HSPA4: variants seen among roughly 807,000 people sequenced by gnomAD.
HSPA4 encodes the protein heat shock 70 kDa protein 4.
In HSPA4, 25 loss-of-function variants were observed where a neutral mutation model predicts 106.2. The observed-to-expected ratio is 0.24, with a 90% CI of 0.17 to 0.33. The LOEUF (loss-of-function observed/expected upper bound fraction) is 0.33, where lower values mean the gene tolerates loss of function less well. HSPA4 is among the 10% of genes least tolerant of loss of function. The pLI is 1.00. For missense variants in HSPA4, 841 were observed against 996.0 expected, an observed-to-expected ratio of 0.84 and a Z score of 2.10; for synonymous variants, 332 against 333.6, an observed-to-expected ratio of 1.00 and a Z score of 0.05.
At chr5:133,090,502 CAT>C (rs1372128232) in intron 11 of HSPA4, among the ~76,000 whole-genome samples, 4 of 130,604 alleles carry the variant, frequency 3.1e-5, no homozygotes, top group Non-Finnish European at 6.5e-5. Context: ...AATATCAAAA[CAT>C]ACTAGGTTTC....
rs1456192787 is a variant in HSPA4, at chr5:133,064,975, T to C, written c.108-5T>C. 2 of 1,613,382 alleles carry C rather than the reference T, an allele frequency of 1.2e-6. No homozygotes were observed. The highest frequency in any genetic ancestry group is 1.3e-5 in the African/African-American group (1 of 74,912). On this transcript the variant is annotated splice_region_variant and splice_polypyrimidine_tract_variant and intron_variant, in intron 1 of 18. Coordinates refer to ENST00000304858, the MANE Select transcript of HSPA4 (RefSeq NM_002154.4). ...TAATTCTTAAGTGCTTTTTTTGTCT[T>C]CTAGGGCTTGCATTTCTTTTGGTCC...
Position 133,052,245 on chromosome 5 carries a change from G to C in HSPA4, c.-6G>C. ...CCGGGCCCGAGCCCGAGCAGTAGCCGGCGCCATGTCGGTGGTGGGCATAGA... is the reference window on the plus strand; with the variant it reads ...CCGGGCCCGAGCCCGAGCAGTAGCCCGCGCCATGTCGGTGGTGGGCATAGA... On this transcript the variant is annotated 5_prime_UTR_variant, in exon 1 of 19. Coordinates refer to ENST00000304858, the MANE Select transcript of HSPA4 (RefSeq NM_002154.4). The C allele has an allele frequency of 6.3e-7, 1 of 1,578,606 alleles. No individual in the cohort carries two copies. Among genetic ancestry groups the C allele is most frequent in the Non-Finnish European group, 8.6e-7 (1 of 1,165,646 alleles).
chr5:133,067,237 C>T (rs896534459), intron 2 of HSPA4, among the ~76,000 whole-genome samples, 180 bp from the exon 3 acceptor site: 2 of 152,108 alleles, frequency 1.3e-5, no homozygotes, highest in Admixed American at 6.6e-5. Context: ...CCATGCAAAT[C>T]CCTCCTCCCT....
At chr5:133,061,183 C>G (rs1183194345) in intron 1 of HSPA4, among the ~76,000 whole-genome samples, 2 of 150,190 alleles carry the variant, frequency 1.3e-5, no homozygotes, top group Non-Finnish European at 3.0e-5. Flanking sequence ...AGTGCAGTGA[C>G]GTGATCTCTC....
In HSPA4 at chr5:133,089,590, G is replaced by A; in HGVS notation, c.1273G>A (p.Ala425Thr). 1 of 1,613,302 alleles carries A rather than the reference G, an allele frequency of 6.2e-7. No homozygotes were observed. Among genetic ancestry groups the A allele is most frequent in the Non-Finnish European group, 8.5e-7 (1 of 1,179,516 alleles). ...SDCEVFSKNHAAPFSKVLTFY... is the reference protein window; with the variant it reads ...SDCEVFSKNHTAPFSKVLTFY... ...CTGTGAAGTCTTTTCCAAAAATCAT[G>A]CTGCTCCTTTCTCTAAAGTTCTTAC... The change falls in exon 11 of 19, where the codon GCT (alanine) becomes ACT (threonine). Residue 425 changes from alanine (A) to threonine (T), a missense_variant. By Grantham distance (58) the Ala-to-Thr change is moderately conservative (BLOSUM62 0). Around this residue, in one of 5 missense-constraint regions of HSPA4, gnomAD observed 162 missense variants for 177.7 expected, o/e 0.91. Coordinates refer to ENST00000304858, the MANE Select transcript of HSPA4 (RefSeq NM_002154.4).
intron 1 of HSPA4, among the ~76,000 whole-genome samples, chr5:133,064,241 C>T (rs976757795): frequency 1.3e-5 from 2 of 152,164 alleles, no homozygotes; most frequent in South Asian, 2.1e-4. Context: ...TGCGGTGGCT[C>T]ACGCCTATAA....
At chr5:133,091,029 C>G (rs775246420) in intron 11 of HSPA4, 164 bp from the exon 12 acceptor site, 1 of 717,146 alleles carries the variant, frequency 1.4e-6, no homozygotes, top group East Asian at 2.7e-5. Context: ...AAAGAGAAAT[C>G]TGATGATTTA....
intron 1 of HSPA4, among the ~76,000 whole-genome samples, chr5:133,060,449 G>C (rs1317333915): frequency 6.6e-6 from 1 of 151,672 alleles, no homozygotes; most frequent in South Asian, 2.1e-4. Context: ...TACAATCTCT[G>C]CCTCCCCGGT....
Position 133,096,235 on chromosome 5 carries a change from G to T in HSPA4, c.1788G>T (p.Leu596Phe), listed in dbSNP as rs1266845724. 6.2e-7 allele frequency: 1 copy of T among 1,613,082 alleles called. No homozygotes were observed. The highest frequency in any genetic ancestry group is 8.5e-7 in the Non-Finnish European group (1 of 1,179,566). ...LWQIDREMLNLYIENEGKMIM... is the reference protein window; with the variant it reads ...LWQIDREMLNFYIENEGKMIM... ...AGATAGACAGAGAGATGCTCAACTT[G>T]TACATTGAAAATGAGGTTGTTATTT... Residue 596 changes from leucine to phenylalanine, a missense_variant, in exon 14 of 19, where the codon TTG (leucine) becomes TTT (phenylalanine). Transcript: ENST00000304858.
At chr5:133,091,590 A>C (rs1316179197) in intron 12 of HSPA4, among the ~76,000 whole-genome samples, 3 of 152,228 alleles carry the variant, frequency 2.0e-5, no homozygotes, top group Non-Finnish European at 2.9e-5. Context: ...TTCTTCTTTC[A>C]GATCATACAC....
At chr5:133,091,498 T>C in intron 12 of HSPA4, 124 bp downstream of exon 12, 1 of 656,404 alleles carries the variant, frequency 1.5e-6, no homozygotes. Flanking sequence ...AGTGGGTTTG[T>C]ATGTTTGCCC....
At chr5:133,093,786 A>T (rs1240483890) in intron 13 of HSPA4, among the ~76,000 whole-genome samples, 1 of 152,160 alleles carries the variant, frequency 6.6e-6, no homozygotes, top group African/African-American at 2.4e-5. Flanking sequence ...CCCAGCCAAA[A>T]TAACAACTTT....
At chr5:133,096,691 A>T (rs2126715181) in intron 14 of HSPA4, among the ~76,000 whole-genome samples, 1 of 152,304 alleles carries the variant, frequency 6.6e-6, no homozygotes, top group South Asian at 2.1e-4. Flanking sequence ...TTACTGAGTG[A>T]TGCAAGGTTT....
At chr5:133,090,314 CCAGCTACTTGGGAGGCTGAGG>C (rs1765630783) in intron 11 of HSPA4, among the ~76,000 whole-genome samples, 1 of 151,190 alleles carries the variant, frequency 6.6e-6, no homozygotes, top group Non-Finnish European at 1.5e-5. Context: ...GCCTGTAATC[CCAGCTACTTGGGAGGCTGAGG>C]CAGGAGACTG....
chr5:133,053,857 G>A (rs1457694892), intron 1 of HSPA4, among the ~76,000 whole-genome samples: 1 of 151,152 alleles, frequency 6.6e-6, no homozygotes, highest in Non-Finnish European at 1.5e-5. Context: ...ACGGGGTGTT[G>A]TCGAGTTGCC....
chr5:133,070,537 G>A (rs1211216591), intron 4 of HSPA4, 41 bp downstream of exon 4: 1 of 1,603,850 alleles, frequency 6.2e-7, no homozygotes, highest in Non-Finnish European at 8.5e-7. Context: ...TTTGCATGAA[G>A]AAGCAGAGAG....
chr5:133,057,445 G>A (rs1041026289), intron 1 of HSPA4, among the ~76,000 whole-genome samples: 5 of 149,794 alleles, frequency 3.3e-5, no homozygotes, highest in African/African-American at 1.2e-4. Flanking sequence ...TGCAACCTCC[G>A]CCTTTCAGGC....
chr5:133,086,170 G>A (rs1388990724), intron 7 of HSPA4, among the ~76,000 whole-genome samples: 3 of 152,162 alleles, frequency 2.0e-5, no homozygotes, highest in Admixed American at 6.5e-5. Context: ...AGCCAAGATC[G>A]TGCCACTGCA....
chr5:133,079,533 C>T (rs879853667), intron 7 of HSPA4, among the ~76,000 whole-genome samples: 1 of 152,050 alleles, frequency 6.6e-6, no homozygotes, highest in Non-Finnish European at 1.5e-5. Flanking sequence ...TTCATCCATT[C>T]GTTTGCTGAT....
Sources: gnomAD v4.1 joint callset for allele counts (sites outside exome capture counted in the v4.1 genomes callset) on GRCh38, gnomAD v4.1.1 for gene constraint, gnomAD v4.1.1 regional missense constraint, MANE v1.5 for transcripts, NCBI Gene and HGNC (gene_info 2026-07-23, HGNC 2026-07-21) for gene names.